Variants in MAP3K13 observed in about 807,000 individuals in gnomAD.
MAP3K13 encodes mitogen-activated protein kinase kinase kinase 13, also known as leucine zipper-bearing kinase.
A neutral mutation model predicts 104.0 loss-of-function variants in MAP3K13; 52 were observed. That is an observed-to-expected ratio of 0.50 (90% CI 0.40 to 0.63). The LOEUF is 0.63. Among genes scored for constraint, MAP3K13 ranks in the 20% least tolerant of loss-of-function variants. The pLI, the probability that MAP3K13 is intolerant of heterozygous loss-of-function variation, is 0.00. For synonymous variants in MAP3K13, 394 were observed against 442.2 expected, an observed-to-expected ratio of 0.89 and a Z score of 1.37; for missense variants, 914 against 1,218.5, an observed-to-expected ratio of 0.75 and a Z score of 3.72.
At chr3:185,416,227 CATCTT>C (rs769879551) in intron 1 of MAP3K13, among the ~76,000 whole-genome samples, 8 of 152,122 alleles carry the variant, frequency 5.3e-5, no homozygotes, top group Non-Finnish European at 8.8e-5. Flanking sequence ...TCTCTTTTCT[CATCTT>C]ATCACTTTCC....
At chr3:185,302,453 T>G in intron 2 of MAP3K13, among the ~76,000 whole-genome samples, 1 of 152,268 alleles carries the variant, frequency 6.6e-6, no homozygotes, top group Non-Finnish European at 1.5e-5. Context: ...ATATTAAGTC[T>G]TCACTCCATG....
chr3:185,375,716 G>A (rs1250462959), intron 1 of MAP3K13, among the ~76,000 whole-genome samples: 1 of 152,098 alleles, frequency 6.6e-6, no homozygotes, highest in Non-Finnish European at 1.5e-5. Context: ...CTGAGCAATG[G>A]GATCTGATGC....
chr3:185,286,160 A>G (rs1284726742), intron 2 of MAP3K13, among the ~76,000 whole-genome samples: 4 of 151,998 alleles, frequency 2.6e-5, no homozygotes, highest in African/African-American at 7.2e-5. Flanking sequence ...TCTTTTAAAA[A>G]AAATTTGTTA....
At chr3:185,302,646 A>G (rs997673634) in intron 2 of MAP3K13, among the ~76,000 whole-genome samples, 1 of 152,070 alleles carries the variant, frequency 6.6e-6, no homozygotes, top group African/African-American at 2.4e-5. Context: ...GGTCATTGTT[A>G]GTGTATAGAA....
At chr3:185,447,212 C>T (rs1715635916) in intron 4 of MAP3K13, among the ~76,000 whole-genome samples, 2 of 151,966 alleles carry the variant, frequency 1.3e-5, no homozygotes, top group Non-Finnish European at 1.5e-5. Context: ...TAAGTAAGGC[C>T]GGGTGCAGTG....
intron 1 of MAP3K13, among the ~76,000 whole-genome samples, chr3:185,425,994 C>G (rs1307170868): frequency 6.6e-6 from 1 of 152,180 alleles, no homozygotes; most frequent in African/African-American, 2.4e-5. Context: ...GCCTAACACA[C>G]TGCATACCAT....
upstream of MAP3K13, among the ~76,000 whole-genome samples, chr3:185,360,532 T>G (rs1723560541): frequency 6.6e-6 from 1 of 152,240 alleles, no homozygotes; most frequent in Non-Finnish European, 1.5e-5. Context: ...CCCATGATAG[T>G]TGACATGGAG....
At chr3:185,371,896 G>A (rs1340282560) in intron 1 of MAP3K13, among the ~76,000 whole-genome samples, 1 of 152,182 alleles carries the variant, frequency 6.6e-6, no homozygotes, top group Non-Finnish European at 1.5e-5. Context: ...CATTGTGCCT[G>A]CATTTTTAGT....
chr3:185,418,858 T>C lies in MAP3K13; in HGVS notation c.-85-9639T>C. On this transcript the variant is annotated intron_variant, in intron 1 of 13. Coordinates refer to ENST00000265026, the MANE Select transcript of MAP3K13 (RefSeq NM_004721.5). This position sits in a 1 kb window ranked among gnomAD's most constrained non-coding sequence, Gnocchi z 4.5. ...AGCATGTTCTTGTCTTTTCATCTGTTTTGGGTTTCAGTTCTCTTAATCATG... is the reference window on the plus strand; with the variant it reads ...AGCATGTTCTTGTCTTTTCATCTGTCTTGGGTTTCAGTTCTCTTAATCATG... 2 of 1,442,142 alleles carry C rather than the reference T, an allele frequency of 1.4e-6. No homozygotes were observed. Among genetic ancestry groups the C allele is most frequent in the South Asian group, 1.4e-5 (1 of 73,128 alleles). 89.3% of individuals were successfully genotyped at this position (1,442,142 alleles called of 1,614,324 possible).
intron 2 of MAP3K13, among the ~76,000 whole-genome samples, chr3:185,339,995 CT>C (rs10712523): frequency 0.76 from 112,140 of 148,220 alleles, 42,897 homozygotes; most frequent in Middle Eastern, 0.84. Context: ...ATTTCTTTTC[CT>C]TTTTTTTTTT....
chr3:185,365,531 T>C (rs1482800732), intron 1 of MAP3K13, among the ~76,000 whole-genome samples: 1 of 152,186 alleles, frequency 6.6e-6, no homozygotes, highest in Admixed American at 6.5e-5. Flanking sequence ...TTCTGTGTGC[T>C]TCAGCTGAAT....
chr3:185,419,106 TC>T (rs1321763544), intron 1 of MAP3K13, among the ~76,000 whole-genome samples: 2 of 151,278 alleles, frequency 1.3e-5, no homozygotes, highest in African/African-American at 2.4e-5. Context: ...AACCTCTGCC[TC>T]CCGGGTTAAA....
chr3:185,301,455 T>C (rs556852132), intron 2 of MAP3K13, among the ~76,000 whole-genome samples: 3 of 152,340 alleles, frequency 2.0e-5, no homozygotes, highest in Non-Finnish European at 2.9e-5. Flanking sequence ...AGTTTGTAAG[T>C]TCGCTGTAGT....
intron 11 of MAP3K13, among the ~76,000 whole-genome samples, chr3:185,475,322 A>C (rs149772588): frequency 6.6e-6 from 1 of 152,348 alleles, no homozygotes; most frequent in East Asian, 1.9e-4. Context: ...TGTATGAAAA[A>C]TGTTTACAAC....
intron 2 of MAP3K13, among the ~76,000 whole-genome samples, chr3:185,354,613 G>GC (rs79706648): frequency 1.3e-5 from 2 of 150,390 alleles, no homozygotes; most frequent in African/African-American, 4.9e-5. Flanking sequence ...AAGTATGGGG[G>GC]GGGGGCAGGG....
At chr3:185,362,228 G>A (rs1228619071), upstream of MAP3K13, among the ~76,000 whole-genome samples, 6 of 152,204 alleles carry the variant, frequency 3.9e-5, no homozygotes, top group Non-Finnish European at 7.3e-5. Flanking sequence ...TAGTCATTGT[G>A]AAGTGTAGTG....
rs371436112 is a variant in MAP3K13, at chr3:185,483,728, T to G, written c.*1272T>G. 1.3e-3 allele frequency: 19 copies of G among 14,924 alleles called. No individual in the cohort carries two copies. The highest frequency in any genetic ancestry group is 2.1e-3 in the East Asian group (1 of 468). The allele number at this position is 14,924 out of a possible 1,614,324, so 0.9% of individuals were successfully genotyped here. A position where few individuals can be genotyped will look rare whatever the true frequency, so the allele number is the denominator to read the frequency against. On this transcript the variant is annotated 3_prime_UTR_variant, in exon 14 of 14. Coordinates refer to ENST00000265026, the MANE Select transcript of MAP3K13 (RefSeq NM_004721.5). ...TAGAAGTTCTTTTTTTTTTTTTTTT[T>G]TTTGACAGAGTTTTGCTCTTTTTGC... is the stretch of plus-strand genomic sequence containing the variant.
intron 2 of MAP3K13, among the ~76,000 whole-genome samples, chr3:185,317,428 C>G (rs909400934): frequency 6.6e-6 from 1 of 152,104 alleles, no homozygotes; most frequent in Admixed American, 6.6e-5. Flanking sequence ...GAAGCCTTTT[C>G]ATAGTTTATC....
At chr3:185,379,586 G>C (rs1391085569) in intron 1 of MAP3K13, among the ~76,000 whole-genome samples, 1 of 152,148 alleles carries the variant, frequency 6.6e-6, no homozygotes, top group Non-Finnish European at 1.5e-5. Context: ...CACTGACCCG[G>C]GTCTTTGGCA....
Sources: gnomAD v4.1 joint callset for allele counts (sites outside exome capture counted in the v4.1 genomes callset) on GRCh38, gnomAD v4.1.1 for gene constraint, Gnocchi (gnomAD v3.1) non-coding constraint, MANE v1.5 for transcripts, NCBI Gene and HGNC (gene_info 2026-07-23, HGNC 2026-07-21) for gene names.